CDK13: variants seen among roughly 807,000 people sequenced by gnomAD.
CDK13 encodes the protein cyclin dependent kinase 13.
CDK13 carries 40 observed loss-of-function variants against 137.6 expected under a neutral mutation model. The observed-to-expected ratio is 0.29, with a 90% CI of 0.23 to 0.38. The LOEUF is 0.38. Ranked by LOEUF, CDK13 falls within the 10% of genes least tolerant of loss-of-function variation. CDK13 has a pLI of 1.00. For synonymous variants in CDK13, 869 were observed against 760.1 expected, an observed-to-expected ratio of 1.14 and a Z score of -2.36; for missense variants, 1,704 against 1,951.8, an observed-to-expected ratio of 0.87 and a Z score of 2.39.
intron 12 of CDK13, 158 bp from the exon 13 acceptor site, chr7:40,092,627 A>AGTATTTCTTAGACT: frequency 5.0e-6 from 3 of 601,882 alleles, no homozygotes; most frequent in Non-Finnish European, 8.8e-6. Flanking sequence ...TTAAATGTAC[A>AGTATTTCTTAGACT]TGATATTTAA....
rs1787040670 is a variant in CDK13, at chr7:40,096,077, A to G, written c.*1097A>G. ...CCATGGATAATTGGAGGGTCATGGT[A>G]TAGAAGCAAGAGTTAATAACAGAAC... On this transcript the variant is annotated 3_prime_UTR_variant, in exon 14 of 14. Transcript: ENST00000181839. 1 of 152,180 alleles carries G rather than the reference A, an allele frequency of 6.6e-6. No homozygotes were observed. The highest frequency in any genetic ancestry group is 2.4e-5 in the African/African-American group (1 of 41,436). 9.4% of individuals were successfully genotyped at this position (152,180 alleles called of 1,614,324 possible).
At chr7:40,086,311 G>A (rs1270356644) in intron 11 of CDK13, among the ~76,000 whole-genome samples, 3 of 152,166 alleles carry the variant, frequency 2.0e-5, no homozygotes, top group Non-Finnish European at 4.4e-5. Context: ...AATTCCAGGT[G>A]TACCCTCTTG....
chr7:40,010,716 C>T (rs1784876543), intron 5 of CDK13, among the ~76,000 whole-genome samples: 1 of 152,136 alleles, frequency 6.6e-6, no homozygotes, highest in African/African-American at 2.4e-5. Flanking sequence ...ACTTCGCTCA[C>T]CTGCCACTCA....
chr7:39,954,444 T>G (rs754109378), intron 1 of CDK13, among the ~76,000 whole-genome samples: 7 of 152,240 alleles, frequency 4.6e-5, no homozygotes, highest in Non-Finnish European at 7.3e-5. Flanking sequence ...TGGACTGCTG[T>G]GAGTTCCATG....
chr7:40,090,366 T>G (rs1786894385), intron 12 of CDK13, among the ~76,000 whole-genome samples: 1 of 152,192 alleles, frequency 6.6e-6, no homozygotes, highest in Non-Finnish European at 1.5e-5. Context: ...TTTTTAACTT[T>G]AATTTTTTTT....
chr7:40,052,216 A>G (rs1162570629), intron 7 of CDK13, among the ~76,000 whole-genome samples: 1 of 152,180 alleles, frequency 6.6e-6, no homozygotes, highest in Non-Finnish European at 1.5e-5. Flanking sequence ...TCACTCTGTC[A>G]CTCAAGCTGC....
intron 1 of CDK13, among the ~76,000 whole-genome samples, chr7:39,979,609 G>A (rs1784182198): frequency 6.6e-6 from 1 of 152,132 alleles, no homozygotes; most frequent in Non-Finnish European, 1.5e-5. Flanking sequence ...TGGAAGAGGA[G>A]GATGTGGTAG....
chr7:40,041,276 A>G (rs1785599379), intron 5 of CDK13, among the ~76,000 whole-genome samples: 1 of 152,188 alleles, frequency 6.6e-6, no homozygotes, highest in Non-Finnish European at 1.5e-5. Flanking sequence ...CAGTGAGCCA[A>G]GATCGTGCCA....
At position 40,097,923 on chromosome 7, in the gene CDK13, A is replaced by G. The variant is rs1427556674; in HGVS notation, c.*2943A>G. The G allele has an allele frequency of 6.6e-6, 1 of 152,164 alleles. No individual in the cohort carries two copies. The highest frequency in any genetic ancestry group is 1.5e-5 in the Non-Finnish European group (1 of 67,984). 9.4% of individuals were successfully genotyped at this position (152,164 alleles called of 1,614,324 possible). ...AGTGCCTACAACATGCCAGGTAGTA[A>G]TCTAGTCCTTGGGGTACATCAATAA... On this transcript the variant is annotated 3_prime_UTR_variant, in exon 14 of 14. Coordinates refer to ENST00000181839, the MANE Select transcript of CDK13 (RefSeq NM_003718.5).
At chr7:40,028,503 C>G (rs1785295026) in intron 5 of CDK13, among the ~76,000 whole-genome samples, 1 of 152,080 alleles carries the variant, frequency 6.6e-6, no homozygotes, top group African/African-American at 2.4e-5. Flanking sequence ...CAGGTGTGAG[C>G]CACCACGCCC....
intron 4 of CDK13, among the ~76,000 whole-genome samples, chr7:40,001,619 C>T (rs189935403): frequency 4.1e-4 from 63 of 152,170 alleles, no homozygotes; most frequent in Admixed American, 1.2e-3. Context: ...TTGGACTTAC[C>T]TCATTCTTTC....
At chr7:40,076,501 C>T (rs1786547314) in intron 9 of CDK13, among the ~76,000 whole-genome samples, 1 of 152,034 alleles carries the variant, frequency 6.6e-6, no homozygotes, top group African/African-American at 2.4e-5. Context: ...AGATTGGGAC[C>T]AGATCTAGAG....
At chr7:40,068,703 C>T (rs1253781154) in intron 9 of CDK13, among the ~76,000 whole-genome samples, 3 of 79,726 alleles carry the variant, frequency 3.8e-5, no homozygotes, top group South Asian at 5.3e-4. Context: ...GAGACTATGT[C>T]TCAGAAAAAA....
chr7:39,956,380 T>C (rs1372397483), intron 1 of CDK13, among the ~76,000 whole-genome samples: 1 of 152,226 alleles, frequency 6.6e-6, no homozygotes, highest in African/African-American at 2.4e-5. Context: ...TCAGTCCTTA[T>C]CACATTTCTT....
chr7:39,979,216 CTTTTTTTTT>C (rs71560152), intron 1 of CDK13, among the ~76,000 whole-genome samples: 18 of 130,898 alleles, frequency 1.4e-4, no homozygotes, highest in African/African-American at 3.7e-4. Context: ...TCTTTTTTTT[CTTTTTTTTT>C]TTTTTTTGAG....
intron 3 of CDK13, 22 bp from the exon 4 acceptor site, chr7:39,999,339 A>C: frequency 6.3e-7 from 1 of 1,575,306 alleles, no homozygotes; most frequent in South Asian, 1.2e-5. Flanking sequence ...GTATATAAAA[A>C]CTTTAGAACT....
At chr7:39,980,810 G>C (rs1218391441) in intron 1 of CDK13, among the ~76,000 whole-genome samples, 1 of 152,174 alleles carries the variant, frequency 6.6e-6, no homozygotes, top group Admixed American at 6.5e-5. Context: ...TGGAGAAACT[G>C]TGAGATAATA....
At chr7:40,001,812 CA>C (rs756741273) in intron 4 of CDK13, 48 bp from the exon 5 acceptor site, 1 of 1,134,704 alleles carries the variant, frequency 8.8e-7, no homozygotes, top group South Asian at 1.4e-5. Flanking sequence ...AGAAAAATGT[CA>C]TCTGCTTTTG....
intron 1 of CDK13, among the ~76,000 whole-genome samples, chr7:39,963,511 A>T (rs1226383170): frequency 6.6e-6 from 1 of 152,208 alleles, no homozygotes; most frequent in Non-Finnish European, 1.5e-5. Flanking sequence ...CTATCAGCTT[A>T]AGGAGATTTT....
Sources: gnomAD v4.1 joint callset for allele counts (sites outside exome capture counted in the v4.1 genomes callset) on GRCh38, gnomAD v4.1.1 for gene constraint, MANE v1.5 for transcripts, NCBI Gene and HGNC (gene_info 2026-07-23, HGNC 2026-07-21) for gene names.